FAM162A: variants seen among roughly 807,000 people sequenced by gnomAD.
FAM162A encodes family with sequence similarity 162 member A.
A neutral mutation model predicts 21.8 loss-of-function variants in FAM162A; 23 were observed. The ratio of observed to expected loss-of-function variants is 1.05; its 90% CI spans 0.76 to 1.49. The LOEUF (loss-of-function observed/expected upper bound fraction) is 1.49, where lower values mean the gene tolerates loss of function less well. Among genes scored for constraint, FAM162A ranks in the 40% most tolerant of loss-of-function variants. The pLI, the probability that FAM162A is intolerant of heterozygous loss-of-function variation, is 0.00. For missense variants in FAM162A, 165 were observed against 186.4 expected (o/e 0.89, Z 0.67); for synonymous variants, 53 against 61.3 (o/e 0.86, Z 0.64).
intron 1 of FAM162A, among the ~76,000 whole-genome samples, chr3:122,389,514 T>G (rs1486108941): frequency 2.6e-5 from 4 of 152,088 alleles, no homozygotes; most frequent in African/African-American, 9.7e-5. Flanking sequence ...AAGGAAATAA[T>G]CAGAAATACC....
chr3:122,389,384 T>C (rs775028699), intron 1 of FAM162A, among the ~76,000 whole-genome samples: 1 of 13,796 alleles, frequency 7.2e-5, no homozygotes. Flanking sequence ...TATAGATGGA[T>C]AGATAGATAG....
chr3:122,407,600 TGAA>T, intron 4 of FAM162A: 1 of 507,062 alleles, frequency 2.0e-6, no homozygotes, highest in Non-Finnish European at 3.5e-6. Context: ...TTTGGCGTGG[TGAA>T]GAAGGACTAG....
At chr3:122,400,641 A>G (rs562202458) in intron 1 of FAM162A, among the ~76,000 whole-genome samples, 2 of 152,038 alleles carry the variant, frequency 1.3e-5, no homozygotes, top group East Asian at 3.9e-4. Context: ...CCTGACCAAC[A>G]TGGAGAAACC....
chr3:122,390,901 T>C (rs574739302), intron 1 of FAM162A, among the ~76,000 whole-genome samples: 1 of 152,294 alleles, frequency 6.6e-6, no homozygotes, highest in Non-Finnish European at 1.5e-5. Flanking sequence ...GCTAGGGCCC[T>C]GGAGACACAG....
rs2075698494 is a variant in FAM162A, at chr3:122,410,224, C to T, written c.*393C>T. The stretch of plus-strand genomic sequence containing the variant: ...GCCCAGGTGCAGCTTGGAGGGCCAG[C>T]CTTCTCAAATGTCCTGGTGTACTGG... On this transcript the variant is annotated 3_prime_UTR_variant, in exon 5 of 5. Transcript: ENST00000477892. 1 of 320,966 alleles carries T rather than the reference C, an allele frequency of 3.1e-6. No homozygotes were observed. Among genetic ancestry groups the T allele is most frequent in the African/African-American group, 2.2e-5 (1 of 45,470 alleles). 19.9% of individuals were successfully genotyped at this position (320,966 alleles called of 1,614,324 possible).
At chr3:122,401,368 T>A (rs905534260) in intron 1 of FAM162A, 6 of 1,009,240 alleles carry the variant, frequency 5.9e-6, no homozygotes, top group Middle Eastern at 2.7e-4. Flanking sequence ...GAACTCCTTT[T>A]CTTTCAGGTT....
At chr3:122,389,638 G>A (rs534583625) in intron 1 of FAM162A, among the ~76,000 whole-genome samples, 23 of 152,096 alleles carry the variant, frequency 1.5e-4, no homozygotes, top group Non-Finnish European at 3.2e-4. Flanking sequence ...TGTGTGTCGG[G>A]TTTTATACAG....
At chr3:122,389,152 G>A (rs2075587905) in intron 1 of FAM162A, among the ~76,000 whole-genome samples, 1 of 152,142 alleles carries the variant, frequency 6.6e-6, no homozygotes, top group African/African-American at 2.4e-5. Flanking sequence ...GCAAAATAAA[G>A]TGTGGGTGGT....
intron 1 of FAM162A, among the ~76,000 whole-genome samples, chr3:122,399,745 A>G (rs903016524): frequency 6.6e-6 from 1 of 152,152 alleles, no homozygotes; most frequent in African/African-American, 2.4e-5. Context: ...ACTCCCATCA[A>G]CAGCATCTAA....
At chr3:122,403,195 C>T (rs2075660833) in intron 2 of FAM162A, among the ~76,000 whole-genome samples, 1 of 151,994 alleles carries the variant, frequency 6.6e-6, no homozygotes, top group Non-Finnish European at 1.5e-5. Context: ...ATGTTTTACT[C>T]ATATGCAGGC....
chr3:122,406,241 G>A (rs887686447), intron 3 of FAM162A, among the ~76,000 whole-genome samples: 4 of 152,130 alleles, frequency 2.6e-5, no homozygotes, highest in Non-Finnish European at 4.4e-5. Flanking sequence ...CACATCCCCT[G>A]CCTTGAGGTT....
chr3:122,398,805 TAG>T (rs1202762312), intron 1 of FAM162A, among the ~76,000 whole-genome samples: 2 of 152,182 alleles, frequency 1.3e-5, no homozygotes, highest in Non-Finnish European at 2.9e-5. Flanking sequence ...AAAATTATAT[TAG>T]TATTTCAGAT....
chr3:122,399,691 G>A (rs574998241), intron 1 of FAM162A, among the ~76,000 whole-genome samples: 1 of 152,260 alleles, frequency 6.6e-6, no homozygotes, highest in Non-Finnish European at 1.5e-5. Flanking sequence ...TTAGGTCTTT[G>A]AGGAATCGCC....
chr3:122,389,951 A>G (rs2075594379), intron 1 of FAM162A, among the ~76,000 whole-genome samples: 1 of 152,164 alleles, frequency 6.6e-6, no homozygotes, highest in Non-Finnish European at 1.5e-5. Flanking sequence ...AGGTTTTTAC[A>G]TAGTGAGACC....
intron 2 of FAM162A, among the ~76,000 whole-genome samples, chr3:122,403,836 A>G (rs1205353830): frequency 1.3e-5 from 2 of 152,132 alleles, no homozygotes; most frequent in African/African-American, 4.8e-5. Context: ...ACAGGCTCCC[A>G]TTTGGACTTT....
At chr3:122,404,902 C>T (rs1020594466) in intron 3 of FAM162A, among the ~76,000 whole-genome samples, 3 of 152,118 alleles carry the variant, frequency 2.0e-5, no homozygotes, top group Non-Finnish European at 4.4e-5. Context: ...CAACTCAGTA[C>T]TATTGATATT....
intron 3 of FAM162A, 41 bp downstream of exon 3, chr3:122,404,404 C>A: frequency 9.0e-7 from 1 of 1,117,126 alleles, no homozygotes; most frequent in Non-Finnish European, 1.3e-6. Context: ...TTTCATTTCT[C>A]ACTGATCTAA....
chr3:122,401,135 T>G (rs1251050016), intron 1 of FAM162A, among the ~76,000 whole-genome samples: 1 of 152,218 alleles, frequency 6.6e-6, no homozygotes, highest in Non-Finnish European at 1.5e-5. Context: ...TTTTCTTTAA[T>G]ATATCTGAAA....
At chr3:122,407,713 A>G (rs1414936536) in intron 4 of FAM162A, 3 of 398,938 alleles carry the variant, frequency 7.5e-6, no homozygotes, top group East Asian at 3.9e-5. Context: ...CACCCACTGC[A>G]TATTTCCAGA....
Sources: allele counts gnomAD v4.1 joint callset (sites outside exome capture counted in the v4.1 genomes callset), GRCh38; gene constraint gnomAD v4.1.1; transcripts MANE v1.5; gene names NCBI Gene and HGNC (gene_info 2026-07-23, HGNC 2026-07-21).